Variants in MSI1 observed in about 807,000 individuals in gnomAD.
The protein encoded by MSI1 is musashi RNA binding protein 1, also known as RNA-binding protein Musashi homolog 1.
In MSI1, 15 loss-of-function variants were observed where a neutral mutation model predicts 54.4. The ratio of observed to expected loss-of-function variants is 0.28; its 90% CI spans 0.18 to 0.42. The LOEUF (loss-of-function observed/expected upper bound fraction) is 0.42, where lower values mean the gene tolerates loss of function less well. MSI1 is among the 20% of genes least tolerant of loss of function. The pLI is 1.00. For missense variants in MSI1, 304 were observed against 506.0 expected (o/e 0.60, Z 3.83); for synonymous variants, 200 against 196.5 (o/e 1.02, Z -0.15).
At chr12:120,344,037 G>T (rs1461703382) in intron 14 of MSI1, among the ~76,000 whole-genome samples, 2 of 152,066 alleles carry the variant, frequency 1.3e-5, no homozygotes, top group South Asian at 4.1e-4. Context: ...TGTATTTTTA[G>T]TAGAGATGGG....
At position 120,346,150 on chromosome 12, in the gene MSI1, G is replaced by A. The variant is rs767408636; in HGVS notation, c.1032C>T (p.Phe344=). ...GGCCACTCACCCCAAGACTGTGGCC[G>A]AAGCCGGTGCTGGGGGCAGGGCTGG... The part of the protein sequence containing the change: ...SAASPAPSTG[F]GHSLGGPLIA... Residue 344 remains phenylalanine, a synonymous_variant, in exon 13 of 15, where the codon TTC becomes TTT. Coordinates refer to ENST00000257552, the MANE Select transcript of MSI1 (RefSeq NM_002442.4). The A allele has an allele frequency of 3.9e-5, 62 of 1,584,270 alleles. No homozygotes were observed. The highest frequency in any genetic ancestry group is 4.8e-5 in the Non-Finnish European group (56 of 1,167,128).
At chr12:120,359,840 C>T (rs183105794) in intron 6 of MSI1, among the ~76,000 whole-genome samples, 2 of 152,224 alleles carry the variant, frequency 1.3e-5, no homozygotes, top group African/African-American at 4.8e-5. Flanking sequence ...CTCTGATACC[C>T]AACCCAATCC....
At chr12:120,341,282 T>C (rs116011665), downstream of MSI1, 500 of 152,250 alleles carry the variant, frequency 3.3e-3, 4 homozygotes, top group African/African-American at 0.012. Flanking sequence ...AACAGGAAAA[T>C]GAGGTATCCC....
rs892949502 is a variant in MSI1, at chr12:120,345,766, G to T, written c.1048-134C>A. 3.0e-5 allele frequency: 31 copies of T among 1,048,122 alleles called. No individual in the cohort carries two copies. In the African/African-American group the frequency reaches 4.4e-4, roughly 15 times the overall value. 64.9% of individuals were successfully genotyped at this position (1,048,122 alleles called of 1,614,324 possible). A position where few individuals can be genotyped will look rare whatever the true frequency, so the allele number is the denominator to read the frequency against. ...TGTCCGGATCGCCCCCCTACTGCAG[G>T]TCTGCCTACCCGGATCACCCCCCAC... On this transcript the variant is annotated intron_variant, in intron 13 of 14. Transcript: ENST00000257552.
intron 9 of MSI1, among the ~76,000 whole-genome samples, chr12:120,354,898 G>C (rs1415284205): frequency 6.6e-6 from 1 of 151,936 alleles, no homozygotes. Context: ...TCTATAAAGA[G>C]CATTACTGGG....
intron 4 of MSI1, among the ~76,000 whole-genome samples, chr12:120,365,288 G>A (rs554809500): frequency 1.6e-4 from 24 of 152,220 alleles, no homozygotes; most frequent in Non-Finnish European, 2.8e-4. Context: ...TGAGACCATG[G>A]ACAAGTTATT....
intron 14 of MSI1, among the ~76,000 whole-genome samples, chr12:120,344,944 G>A (rs1008571298): frequency 3.4e-5 from 5 of 146,302 alleles, no homozygotes; most frequent in South Asian, 2.2e-4. Flanking sequence ...TGAACCCAGG[G>A]GACGAGTTTG....
In MSI1 at chr12:120,369,098, CCGCGGGCGG is replaced by C; in HGVS notation, c.-16_-8del. Reference sequence around the variant, plus strand: ...GGGGCGCGTCAGTCTCCATCGGGAGCCGCGGGCGGCGCGGGCAGCGGAGCGGCGGCGGCG... The same window carrying C: ...GGGGCGCGTCAGTCTCCATCGGGAGCCGCGGGCAGCGGAGCGGCGGCGGCG... On this transcript the variant is annotated 5_prime_UTR_variant, in exon 1 of 15. Coordinates refer to ENST00000257552, the MANE Select transcript of MSI1 (RefSeq NM_002442.4). 3 of 1,013,388 alleles carry C rather than the reference CCGCGGGCGG, an allele frequency of 3.0e-6. No homozygotes were observed. Among genetic ancestry groups the C allele is most frequent in the South Asian group, 8.9e-5 (2 of 22,562 alleles). The allele number at this position is 1,013,388 out of a possible 1,614,324, so 62.8% of individuals were successfully genotyped here.
Position 120,357,888 on chromosome 12 carries a change from A to G in MSI1, c.462T>C (p.Phe154=). ...CGATGTCCTCACTCTCAAACGTGAC[A>G]AACCCGAACCCTAGAGGTTGGACAA... ...KTTNRHRGFG[F]VTFESEDIVE... The change falls in exon 8 of 15, where the codon TTT becomes TTC. Residue 154 remains phenylalanine, a synonymous_variant. Coordinates refer to ENST00000257552, the MANE Select transcript of MSI1 (RefSeq NM_002442.4). The G allele has an allele frequency of 1.9e-6, 3 of 1,614,228 alleles. No individual in the cohort carries two copies. The highest frequency in any genetic ancestry group is 2.5e-6 in the Non-Finnish European group (3 of 1,180,034).
At chr12:120,365,521 T>C (rs571028813) in intron 4 of MSI1, among the ~76,000 whole-genome samples, 1 of 152,316 alleles carries the variant, frequency 6.6e-6, no homozygotes, top group Admixed American at 6.5e-5. Flanking sequence ...TTCACACAGA[T>C]GACCTATCTA....
At chr12:120,340,943 T>A (rs1379257943), downstream of MSI1, among the ~76,000 whole-genome samples, 1 of 144,840 alleles carries the variant, frequency 6.9e-6, no homozygotes, top group Non-Finnish European at 1.5e-5. Context: ...TAGAGTGCGG[T>A]GGCATGATCT....
At position 120,346,207 on chromosome 12, in the gene MSI1, C is replaced by G; in HGVS notation, c.975G>C (p.Gln325His). Residue 325 changes from glutamine (Q) to histidine (H), a missense_variant, in exon 13 of 15, where the codon CAG becomes CAC. By Grantham distance (24) the Gln-to-His change is conservative. This residue lies in a region of MSI1 where 147 missense variants were observed against 231.5 expected (regional missense o/e 0.64). Transcript: ENST00000257552. ...TGATGTAACTGCTGACCCCCGAGTC[C>G]TGGTTGGCCGCCCCGTAGAGCTCGG... is the stretch of plus-strand genomic sequence containing the variant. Reference protein sequence around the residue: ...PMAELYGAANQDSGVSSYISA... With the variant: ...PMAELYGAANHDSGVSSYISA... 1 of 1,600,018 alleles carries G rather than the reference C, an allele frequency of 6.2e-7. No homozygotes were observed. The highest frequency in any genetic ancestry group is 8.5e-7 in the Non-Finnish European group (1 of 1,173,994).
chr12:120,352,780 A>G (rs1592933041), intron 10 of MSI1, among the ~76,000 whole-genome samples: 2 of 152,328 alleles, frequency 1.3e-5, no homozygotes, highest in African/African-American at 4.8e-5. Flanking sequence ...GCTTCCTGAC[A>G]TTTACTTTCA....
chr12:120,353,654 C>A (rs1214517808), intron 9 of MSI1, among the ~76,000 whole-genome samples: 1 of 152,206 alleles, frequency 6.6e-6, no homozygotes, highest in Non-Finnish European at 1.5e-5. Flanking sequence ...GAGAATAATC[C>A]AATGCTCTTT....
At chr12:120,358,633 G>C (rs1022651264) in intron 7 of MSI1, among the ~76,000 whole-genome samples, 1 of 152,168 alleles carries the variant, frequency 6.6e-6, no homozygotes, top group Non-Finnish European at 1.5e-5. Flanking sequence ...GGGGCTGGGG[G>C]CTGGGCAGGA....
intron 4 of MSI1, among the ~76,000 whole-genome samples, chr12:120,366,897 AC>A (rs1445627983): frequency 6.6e-6 from 1 of 152,134 alleles, no homozygotes; most frequent in African/African-American, 2.4e-5. Context: ...CATTCTGAGG[AC>A]AGGGGATGGT....
chr12:120,358,481 C>G (rs1033636525), intron 7 of MSI1, among the ~76,000 whole-genome samples: 1 of 152,228 alleles, frequency 6.6e-6, no homozygotes, highest in Non-Finnish European at 1.5e-5. Flanking sequence ...ACTGGAGAAA[C>G]AACCCTGTCT....
chr12:120,346,466 GC>G, intron 12 of MSI1, 144 bp from the exon 13 acceptor site: 1 of 789,438 alleles, frequency 1.3e-6, no homozygotes, highest in Non-Finnish European at 1.9e-6. Flanking sequence ...ATCTCCCCAT[GC>G]CCATCCACCC....
intron 11 of MSI1, among the ~76,000 whole-genome samples, chr12:120,350,640 C>T (rs1874517017): frequency 6.6e-6 from 1 of 152,198 alleles, no homozygotes; most frequent in African/African-American, 2.4e-5. Flanking sequence ...CCCTGCAGCC[C>T]ACCCCACGTG....
Sources: gnomAD v4.1 joint callset for allele counts (sites outside exome capture counted in the v4.1 genomes callset) on GRCh38, gnomAD v4.1.1 for gene constraint, gnomAD v4.1.1 regional missense constraint, MANE v1.5 for transcripts, NCBI Gene and HGNC (gene_info 2026-07-23, HGNC 2026-07-21) for gene names.